The following SRGAP2 variants were observed in gnomAD, a reference collection of about 807,000 sequenced individuals.
SRGAP2 encodes the protein SLIT-ROBO Rho GTPase-activating protein 2.
In SRGAP2, 15 loss-of-function variants were observed where a neutral mutation model predicts 57.2. The observed-to-expected ratio is 0.26, with a 90% CI of 0.18 to 0.40. The LOEUF (loss-of-function observed/expected upper bound fraction) is 0.40. Among genes scored for constraint, SRGAP2 ranks in the 10% least tolerant of loss-of-function variants. The pLI, the probability that SRGAP2 is intolerant of heterozygous loss-of-function variation, is 1.00. For missense variants in SRGAP2, 520 were observed against 669.6 expected, an observed-to-expected ratio of 0.78 and a Z score of 2.47; for synonymous variants, 249 against 248.0, an observed-to-expected ratio of 1.00 and a Z score of -0.04.
Position 206,446,189 on chromosome 1 carries a change from C to T in SRGAP2, c.1989C>T (p.His663=), listed in dbSNP as rs370415228. 5.0e-5 allele frequency: 39 copies of T among 780,840 alleles called. No individual in the cohort carries two copies. The highest frequency in any genetic ancestry group is 6.8e-5 in the African/African-American group (4 of 59,144). 48.4% of individuals were successfully genotyped at this position (780,840 alleles called of 1,614,324 possible). Residue 663 remains histidine (H), a synonymous_variant, in exon 18 of 23, where the codon CAC becomes CAT. Transcript: ENST00000573034. ...ACGACCAGGTGTCCTGCCAAGCCCA[C>T]GTGAATGAGCTGATCAAAACCATCA... ...EGHDQVSCQA[H]VNELIKTIII...
chr1:206,376,161 A>G (rs1553344570), intron 4 of SRGAP2, among the ~76,000 whole-genome samples: 1 of 151,606 alleles, frequency 6.6e-6, no homozygotes, highest in African/African-American at 2.4e-5. Flanking sequence ...CCTTATTTTC[A>G]TTCTGCCACC....
chr1:206,413,694 C>T (rs1659417723), intron 10 of SRGAP2, among the ~76,000 whole-genome samples: 1 of 152,196 alleles, frequency 6.6e-6, no homozygotes, highest in South Asian at 2.1e-4. Flanking sequence ...TATCTGCTAT[C>T]TGCTAGGCGT....
intron 13 of SRGAP2, among the ~76,000 whole-genome samples, chr1:206,426,757 A>G (rs1572126154): frequency 6.6e-6 from 1 of 152,278 alleles, no homozygotes; most frequent in Non-Finnish European, 1.5e-5. Flanking sequence ...GGCCATTTGT[A>G]TGTCTTCTTT....
At chr1:206,210,316 A>G (rs1192153493) in intron 2 of SRGAP2, among the ~76,000 whole-genome samples, 1 of 143,522 alleles carries the variant, frequency 7.0e-6, no homozygotes, top group Non-Finnish European at 1.5e-5. Context: ...AGTTCATGCA[A>G]ATATTCCAGA....
At chr1:206,424,804 G>A (rs1553365720) in intron 13 of SRGAP2, among the ~76,000 whole-genome samples, 1 of 152,248 alleles carries the variant, frequency 6.6e-6, no homozygotes, top group Non-Finnish European at 1.5e-5. Flanking sequence ...TAAGGAGAGA[G>A]GAGGATGGCA....
Position 206,439,700 on chromosome 1 carries a change from C to T in SRGAP2, c.1769-276C>T, listed in dbSNP as rs1402772821. Among the ~76,000 whole-genome samples, 6 of 151,984 alleles carry T rather than the reference C, an allele frequency of 3.9e-5. No individual in the cohort carries two copies. In the East Asian group the frequency reaches 5.8e-4, roughly 15 times the overall value. On this transcript the variant is annotated intron_variant, in intron 16 of 22. Coordinates refer to ENST00000573034, the MANE Select transcript of SRGAP2 (RefSeq NM_015326.5). ...GTTTAATATTAATAATGTGTAATAA[C>T]GAGTTTGGATTTGGATTTGGCACAG...
chr1:206,462,279 C>T lies in SRGAP2; in HGVS notation c.*859C>T, dbSNP rs1471539298. The T allele has an allele frequency of 1.3e-4, 20 of 152,582 alleles. No homozygotes were observed. The highest frequency in any genetic ancestry group is 4.8e-4 in the African/African-American group (20 of 41,420). The allele number at this position is 152,582 out of a possible 1,614,324, so 9.5% of individuals were successfully genotyped here. ...TTTTTCTGAATGTATAGACATTTCT[C>T]GGGTTCCTACCTTTGTCTCTGATGG... On this transcript the variant is annotated 3_prime_UTR_variant, in exon 23 of 23. Coordinates refer to ENST00000573034, the MANE Select transcript of SRGAP2 (RefSeq NM_015326.5).
At chr1:206,263,668 T>C (rs146610730) in intron 2 of SRGAP2, among the ~76,000 whole-genome samples, 62,492 of 151,314 alleles carry the variant, frequency 0.41, 13,247 homozygotes, top group East Asian at 0.72. Flanking sequence ...TTAATACATA[T>C]GTATTGAGTA....
intron 13 of SRGAP2, among the ~76,000 whole-genome samples, chr1:206,429,551 G>A (rs528734818): frequency 1.3e-5 from 2 of 152,308 alleles, no homozygotes; most frequent in South Asian, 2.1e-4. Context: ...GCAAAGCCAC[G>A]AGGCAAAGGA....
intron 7 of SRGAP2, among the ~76,000 whole-genome samples, chr1:206,394,306 C>T (rs1457415547): frequency 2.0e-5 from 3 of 151,936 alleles, no homozygotes; most frequent in Non-Finnish European, 2.9e-5. Context: ...AGGTGATCCA[C>T]CTGCCTCGAC....
chr1:206,305,157 C>T lies in SRGAP2; in HGVS notation c.260+1684C>T, dbSNP rs1672112881. 2.4e-5 allele frequency among the ~76,000 whole-genome samples: 2 copies of T among 84,514 alleles called. 1 individual carries two copies. Among genetic ancestry groups the T allele is most frequent in the East Asian group, 9.7e-4 (2 of 2,058 alleles). The allele number at this position is 84,514 out of a possible 152,430, so 55.4% of individuals were successfully genotyped here. On this transcript the variant is annotated intron_variant, in intron 3 of 22. Coordinates refer to ENST00000573034, the MANE Select transcript of SRGAP2 (RefSeq NM_015326.5). ...GCAGTATCTTAGGTCCTACTCCAGT[C>T]CTTATAACAAGATCCCACAACATAG... is the stretch of plus-strand genomic sequence containing the variant.
intron 7 of SRGAP2, among the ~76,000 whole-genome samples, chr1:206,398,447 G>A (rs1378166501): frequency 6.6e-6 from 1 of 152,030 alleles, no homozygotes; most frequent in Admixed American, 6.6e-5. Context: ...AGAAGCTACA[G>A]AATAGTTATA....
chr1:206,378,182 A>G (rs1158930507), intron 4 of SRGAP2, among the ~76,000 whole-genome samples: 5 of 148,714 alleles, frequency 3.4e-5, no homozygotes, highest in Non-Finnish European at 7.4e-5. Flanking sequence ...ACGAGACTCC[A>G]TATCTGAAAA....
intron 14 of SRGAP2, among the ~76,000 whole-genome samples, chr1:206,432,967 T>G (rs1316795180): frequency 6.6e-6 from 1 of 152,188 alleles, no homozygotes; most frequent in Non-Finnish European, 1.5e-5. Flanking sequence ...CGTACTATAT[T>G]TTGCTAGCAC....
chr1:206,456,320 A>T (rs552341038), intron 21 of SRGAP2, among the ~76,000 whole-genome samples: 1 of 151,808 alleles, frequency 6.6e-6, no homozygotes, highest in African/African-American at 2.4e-5. Flanking sequence ...CAGACCAGTT[A>T]AAAAAAAATT....
chr1:206,386,671 T>C (rs1489876211), intron 5 of SRGAP2, among the ~76,000 whole-genome samples: 1 of 123,344 alleles, frequency 8.1e-6, no homozygotes, highest in Non-Finnish European at 1.7e-5. Context: ...TGGTGGCGGG[T>C]GCCTGTAGTC....
chr1:206,436,019 G>A (rs1335940557), intron 14 of SRGAP2, among the ~76,000 whole-genome samples: 1 of 152,132 alleles, frequency 6.6e-6, no homozygotes, highest in South Asian at 2.1e-4. Flanking sequence ...TTCATAGCAA[G>A]CTTGTTCAAC....
At chr1:206,263,099 T>G (rs1372419991) in intron 2 of SRGAP2, among the ~76,000 whole-genome samples, 1 of 150,486 alleles carries the variant, frequency 6.6e-6, no homozygotes, top group Non-Finnish European at 1.5e-5. Flanking sequence ...GTTCTCCTGA[T>G]AGTGCCACTT....
chr1:206,296,348 CGA>C (rs1491333019), intron 2 of SRGAP2, among the ~76,000 whole-genome samples: 4 of 148,204 alleles, frequency 2.7e-5, no homozygotes, highest in Non-Finnish European at 6.0e-5. Flanking sequence ...GCATGTGGAC[CGA>C]GAGTGGGGAA....
Sources: allele counts gnomAD v4.1 joint callset (sites outside exome capture counted in the v4.1 genomes callset), GRCh38; gene constraint gnomAD v4.1.1; transcripts MANE v1.5; gene names NCBI Gene and HGNC (gene_info 2026-07-23, HGNC 2026-07-21).